Variants in PRKG1 observed in about 807,000 individuals in gnomAD.
PRKG1 encodes protein kinase cGMP-dependent 1, also known as cGMP-dependent protein kinase 1.
PRKG1 carries 35 observed loss-of-function variants against 88.1 expected under a neutral mutation model. The observed-to-expected ratio is 0.40, with a 90% CI of 0.30 to 0.53. The LOEUF is 0.53. PRKG1 is among the 20% of genes least tolerant of loss of function. The pLI, the probability that PRKG1 is intolerant of heterozygous loss-of-function variation, is 0.59. For synonymous variants in PRKG1, 303 were observed against 292.5 expected (o/e 1.04, Z -0.37); for missense variants, 540 against 839.8 (o/e 0.64, Z 4.41).
chr10:51,923,428 AT>A (rs1842504241), intron 5 of PRKG1, among the ~76,000 whole-genome samples: 1 of 151,224 alleles, frequency 6.6e-6, no homozygotes, highest in South Asian at 2.1e-4. Context: ...TCATATTAAT[AT>A]TAGCATATTA....
intron 3 of PRKG1, among the ~76,000 whole-genome samples, chr10:51,560,590 G>A (rs1231570220): frequency 2.0e-5 from 3 of 151,974 alleles, no homozygotes; most frequent in Non-Finnish European, 4.4e-5. Context: ...TACCGGCAAT[G>A]TCTTGTGTTA....
intron 2 of PRKG1, among the ~76,000 whole-genome samples, chr10:51,457,238 A>G (rs1839609728): frequency 6.6e-6 from 1 of 152,218 alleles, no homozygotes; most frequent in South Asian, 2.1e-4. Flanking sequence ...ATGGGTTACT[A>G]CTCAGCTGTA....
chr10:51,743,584 C>T (rs1837490838), intron 3 of PRKG1, among the ~76,000 whole-genome samples: 1 of 147,674 alleles, frequency 6.8e-6, no homozygotes, highest in Admixed American at 6.8e-5. Flanking sequence ...AATCATTTTT[C>T]TCTCTTCCTC....
At chr10:51,160,893 T>TGTGTGTGTGG (rs984080681) in intron 2 of PRKG1, among the ~76,000 whole-genome samples, 1 of 133,020 alleles carries the variant, frequency 7.5e-6, no homozygotes, top group African/African-American at 3.5e-5. Context: ...TGTGTGTGTG[T>TGTGTGTGTGG]GTCTGTGTGT....
At chr10:51,420,640 A>G (rs1440587785) in intron 2 of PRKG1, among the ~76,000 whole-genome samples, 1 of 152,208 alleles carries the variant, frequency 6.6e-6, no homozygotes, top group Non-Finnish European at 1.5e-5. Context: ...AACTTTTCTT[A>G]CACTAAAAAC....
intron 9 of PRKG1, among the ~76,000 whole-genome samples, chr10:52,189,704 C>T (rs540158820): frequency 6.6e-6 from 1 of 152,242 alleles, no homozygotes; most frequent in South Asian, 2.1e-4. Context: ...GGACTGCTGC[C>T]CTAGACCCCT....
At chr10:51,630,365 T>C (rs1172427529) in intron 3 of PRKG1, among the ~76,000 whole-genome samples, 1 of 152,214 alleles carries the variant, frequency 6.6e-6, no homozygotes, top group Non-Finnish European at 1.5e-5. Context: ...CATTTTATCA[T>C]GGATGACACA....
At chr10:52,147,001 GTTC>G (rs149427076) in intron 8 of PRKG1, among the ~76,000 whole-genome samples, 5,131 of 152,202 alleles carry the variant, frequency 0.034, 316 homozygotes, top group African/African-American at 0.12. Context: ...TTTGACATTT[GTTC>G]TTTTCTTGCA....
At chr10:51,690,288 C>T (rs569718799) in intron 3 of PRKG1, among the ~76,000 whole-genome samples, 16 of 152,230 alleles carry the variant, frequency 1.1e-4, no homozygotes, top group South Asian at 2.1e-4. Flanking sequence ...TCCTCCAACA[C>T]CGGGGATTAT....
intron 3 of PRKG1, among the ~76,000 whole-genome samples, chr10:51,738,747 C>G (rs1023829448): frequency 6.6e-6 from 1 of 152,126 alleles, no homozygotes; most frequent in African/African-American, 2.4e-5. Context: ...AGAAATGAAA[C>G]AGTTTAGATG....
chr10:51,924,859 G>A (rs1270375818), intron 5 of PRKG1, among the ~76,000 whole-genome samples: 1 of 150,618 alleles, frequency 6.6e-6, no homozygotes, highest in African/African-American at 2.4e-5. Context: ...CATTTCTGTT[G>A]CAGTCTTTTA....
At chr10:51,436,729 AT>A (rs1259178060) in intron 2 of PRKG1, among the ~76,000 whole-genome samples, 1 of 152,032 alleles carries the variant, frequency 6.6e-6, no homozygotes, top group African/African-American at 2.4e-5. Context: ...TGGAATCTCA[AT>A]TTTAGACTGT....
intron 3 of PRKG1, among the ~76,000 whole-genome samples, chr10:51,692,634 C>T (rs1230198950): frequency 6.6e-6 from 1 of 152,122 alleles, no homozygotes; most frequent in Non-Finnish European, 1.5e-5. Flanking sequence ...CATCGCCATA[C>T]TCAGCTAATT....
At chr10:51,566,727 C>T (rs889239235) in intron 3 of PRKG1, among the ~76,000 whole-genome samples, 3 of 151,698 alleles carry the variant, frequency 2.0e-5, no homozygotes, top group South Asian at 2.1e-4. Flanking sequence ...GAAGAAAATG[C>T]GACTGGATGG....
At chr10:51,433,560 G>A (rs1159972547) in intron 2 of PRKG1, among the ~76,000 whole-genome samples, 2 of 151,926 alleles carry the variant, frequency 1.3e-5, no homozygotes, top group Non-Finnish European at 2.9e-5. Context: ...CCCCTGCCAG[G>A]CCTTTGGCTT....
At chr10:51,345,582 C>T (rs904709211) in intron 2 of PRKG1, among the ~76,000 whole-genome samples, 2 of 151,924 alleles carry the variant, frequency 1.3e-5, no homozygotes, top group East Asian at 1.9e-4. Flanking sequence ...TGAGGCTACT[C>T]GTTTGCTCTA....
In PRKG1 at chr10:51,356,957, T is replaced by C. The variant is rs114878457; in HGVS notation, c.479-110766T>C. On this transcript the variant is annotated intron_variant, in intron 2 of 17. Coordinates refer to ENST00000373980, the MANE Select transcript of PRKG1 (RefSeq NM_006258.4). ...GTAGGAGCTCTTATTTTTATTCCCA[T>C]TGTGCTGTTAGCACCTAGCATGTGG... is the stretch of plus-strand genomic sequence containing the variant. Among the ~76,000 whole-genome samples the C allele has an allele frequency of 5.0e-3, 755 of 152,122 alleles. 6 individuals are homozygous for C. The highest frequency in any genetic ancestry group is 0.017 in the African/African-American group (706 of 41,532).
intron 5 of PRKG1, among the ~76,000 whole-genome samples, chr10:51,986,043 G>A (rs572065995): frequency 3.9e-5 from 6 of 152,284 alleles, no homozygotes; most frequent in South Asian, 2.1e-4. Flanking sequence ...ACCGGTGACA[G>A]CATGGCTGAC....
At chr10:52,256,444 T>A (rs998125376) in intron 10 of PRKG1, among the ~76,000 whole-genome samples, 2 of 139,336 alleles carry the variant, frequency 1.4e-5, no homozygotes, top group Non-Finnish European at 3.2e-5. Flanking sequence ...TATTACCCAT[T>A]GTGTATGCTT....
Sources: allele counts gnomAD v4.1 joint callset (sites outside exome capture counted in the v4.1 genomes callset), GRCh38; gene constraint gnomAD v4.1.1; transcripts MANE v1.5; gene names NCBI Gene and HGNC (gene_info 2026-07-23, HGNC 2026-07-21).